The following DLC1 variants were observed in gnomAD, a reference collection of about 807,000 sequenced individuals.
DLC1 encodes rho GTPase-activating protein 7.
In DLC1, 54 loss-of-function variants were observed where a neutral mutation model predicts 140.3. The ratio of observed to expected loss-of-function variants is 0.38; its 90% CI spans 0.31 to 0.48. The LOEUF (loss-of-function observed/expected upper bound fraction) is 0.48. Among genes scored for constraint, DLC1 ranks in the 20% least tolerant of loss-of-function variants. DLC1 has a pLI of 0.96. For missense variants in DLC1, 2,536 were observed against 1,907.0 expected, an observed-to-expected ratio of 1.33 and a Z score of -6.14; for synonymous variants, 986 against 728.1, an observed-to-expected ratio of 1.35 and a Z score of -5.70.
intron 1 of DLC1, among the ~76,000 whole-genome samples, chr8:13,578,623 A>G (rs981518060): frequency 6.6e-6 from 1 of 152,124 alleles, no homozygotes; most frequent in Non-Finnish European, 1.5e-5. Context: ...CCCTCTCCTC[A>G]GGTTCAATTA....
intron 1 of DLC1, among the ~76,000 whole-genome samples, chr8:13,586,852 C>T (rs1805337008): frequency 6.6e-6 from 1 of 152,088 alleles, no homozygotes; most frequent in African/African-American, 2.4e-5. Context: ...TAGTGGCATT[C>T]TCTAAGGACA....
At chr8:13,219,122 TTATATAATTA>T (rs1211690160) in intron 5 of DLC1, among the ~76,000 whole-genome samples, 1 of 123,194 alleles carries the variant, frequency 8.1e-6, no homozygotes, top group African/African-American at 3.2e-5. Flanking sequence ...GTGAATATAA[TTATATAATTA>T]TATGTGAATA....
chr8:13,337,116 C>T (rs1671356), intron 4 of DLC1, among the ~76,000 whole-genome samples: 130,124 of 152,112 alleles, frequency 0.86, 56,074 homozygotes, highest in East Asian at 0.95. Context: ...TTAGCATAGA[C>T]GTAAATTCCA....
intron 2 of DLC1, among the ~76,000 whole-genome samples, chr8:13,444,327 A>G (rs1392227307): frequency 6.6e-6 from 1 of 152,166 alleles, no homozygotes; most frequent in African/African-American, 2.4e-5. Flanking sequence ...GAGGGATAGC[A>G]TTAGGAGAAA....
intron 1 of DLC1, among the ~76,000 whole-genome samples, chr8:13,575,753 C>T (rs1019359790): frequency 6.6e-6 from 1 of 152,178 alleles, no homozygotes; most frequent in Non-Finnish European, 1.5e-5. Flanking sequence ...TGAAAGTTCA[C>T]TGAACACCTT....
At chr8:13,152,824 G>GAAAAAAA (rs773483544) in intron 5 of DLC1, among the ~76,000 whole-genome samples, 1,075 of 91,340 alleles carry the variant, frequency 0.012, 51 homozygotes, top group African/African-American at 0.029. Context: ...CTCTGGGGAA[G>GAAAAAAA]AAAAAAAAAA....
chr8:13,436,058 T>G, intron 2 of DLC1, among the ~76,000 whole-genome samples: 1 of 152,230 alleles, frequency 6.6e-6, no homozygotes, highest in East Asian at 1.9e-4. Context: ...AAAGACAGAA[T>G]GCTGTTGCAT....
chr8:13,373,501 A>G (rs759583756), intron 4 of DLC1, among the ~76,000 whole-genome samples: 3 of 152,200 alleles, frequency 2.0e-5, no homozygotes, highest in South Asian at 2.1e-4. Context: ...TCTCAATTAT[A>G]TATGTGTCTG....
intron 2 of DLC1, among the ~76,000 whole-genome samples, chr8:13,473,771 C>G (rs978975721): frequency 6.6e-6 from 1 of 152,054 alleles, no homozygotes; most frequent in Non-Finnish European, 1.5e-5. Flanking sequence ...GCATTTTTCC[C>G]CTTCGCTAGA....
At chr8:13,142,162 T>C (rs1823049730) in intron 5 of DLC1, among the ~76,000 whole-genome samples, 1 of 152,224 alleles carries the variant, frequency 6.6e-6, no homozygotes. Flanking sequence ...TGATTGTAAG[T>C]TTCCTGAGCC....
intron 5 of DLC1, among the ~76,000 whole-genome samples, chr8:13,284,845 A>G (rs1026118788): frequency 1.8e-4 from 28 of 152,346 alleles, no homozygotes; most frequent in African/African-American, 6.7e-4. Flanking sequence ...AAATTTGTAC[A>G]CTGAAAAACT....
intron 5 of DLC1, among the ~76,000 whole-genome samples, chr8:13,258,082 T>G (rs977212236): frequency 1.3e-5 from 2 of 152,204 alleles, no homozygotes; most frequent in Non-Finnish European, 2.9e-5. Context: ...CCTTGTAGTG[T>G]TTTAGAGTGG....
intron 1 of DLC1, among the ~76,000 whole-genome samples, chr8:13,600,074 C>A (rs759277686): frequency 7.2e-5 from 11 of 151,866 alleles, no homozygotes; most frequent in Non-Finnish European, 1.0e-4. Flanking sequence ...GAACCCTAAA[C>A]TGTGTCATTA....
chr8:13,334,724 T>A (rs556769829), intron 4 of DLC1, among the ~76,000 whole-genome samples: 49 of 152,262 alleles, frequency 3.2e-4, no homozygotes, highest in African/African-American at 1.1e-3. Flanking sequence ...TGGCTGAAAA[T>A]CTGGTGTATC....
chr8:13,243,108 G>A (rs912608919), intron 5 of DLC1, among the ~76,000 whole-genome samples: 1 of 149,318 alleles, frequency 6.7e-6, no homozygotes, highest in Non-Finnish European at 1.5e-5. Flanking sequence ...TGGCCAACAT[G>A]GCAAAAACCC....
At chr8:13,483,459 G>A (rs548666915) in intron 2 of DLC1, among the ~76,000 whole-genome samples, 6 of 152,280 alleles carry the variant, frequency 3.9e-5, no homozygotes, top group African/African-American at 1.2e-4. Flanking sequence ...GATGCACAGA[G>A]ACACCTAGAA....
intron 5 of DLC1, among the ~76,000 whole-genome samples, chr8:13,166,065 A>G (rs1047525858): frequency 6.6e-6 from 1 of 152,162 alleles, no homozygotes; most frequent in African/African-American, 2.4e-5. Flanking sequence ...ACCTATTCCC[A>G]ATGAAGCTCA....
intron 5 of DLC1, among the ~76,000 whole-genome samples, chr8:13,120,545 A>G (rs1820974384): frequency 6.6e-6 from 1 of 151,678 alleles, no homozygotes; most frequent in Non-Finnish European, 1.5e-5. Context: ...CCTTCAATGT[A>G]TGTGGGTGGT....
intron 4 of DLC1, among the ~76,000 whole-genome samples, chr8:13,356,886 TTTACTTCACCC>T (rs1834964947): frequency 6.6e-6 from 1 of 151,950 alleles, no homozygotes; most frequent in African/African-American, 2.4e-5. Context: ...TTATTATTTT[TTTACTTCACCC>T]TTAAGATGTT....
Sources: allele counts gnomAD v4.1 joint callset (sites outside exome capture counted in the v4.1 genomes callset), GRCh38; gene constraint gnomAD v4.1.1; transcripts MANE v1.5; gene names NCBI Gene and HGNC (gene_info 2026-07-23, HGNC 2026-07-21).